Variants in SLC8A1 observed in about 807,000 individuals in gnomAD.
SLC8A1 encodes sodium/calcium exchanger 1.
Under a neutral mutation model 68.3 loss-of-function variants are expected in SLC8A1, and 18 were observed. That is an observed-to-expected ratio of 0.26 (90% CI 0.18 to 0.39). The LOEUF (loss-of-function observed/expected upper bound fraction) is 0.39, where lower values mean the gene tolerates loss of function less well. SLC8A1 is among the 10% of genes least tolerant of loss of function. SLC8A1 has a pLI of 1.00. For missense variants in SLC8A1, 985 were observed against 1,156.7 expected (o/e 0.85, Z 2.15); for synonymous variants, 475 against 415.5 (o/e 1.14, Z -1.74).
intron 2 of SLC8A1, among the ~76,000 whole-genome samples, chr2:40,405,157 C>T: frequency 6.6e-6 from 1 of 152,158 alleles, no homozygotes; most frequent in African/African-American, 2.4e-5. Context: ...GAACATACTT[C>T]TTAATTCCCA....
intron 2 of SLC8A1, among the ~76,000 whole-genome samples, chr2:40,326,966 G>A (rs2075895329): frequency 6.6e-6 from 1 of 152,142 alleles, no homozygotes; most frequent in Non-Finnish European, 1.5e-5. Flanking sequence ...CAAGCTCACT[G>A]TACAATATTA....
chr2:40,347,132 C>T (rs1389632397), intron 2 of SLC8A1, among the ~76,000 whole-genome samples: 1 of 152,140 alleles, frequency 6.6e-6, no homozygotes, highest in Non-Finnish European at 1.5e-5. Context: ...TTGCTACATA[C>T]TGGCTATTTG....
chr2:40,431,795 T>C (rs954971048), intron 1 of SLC8A1, among the ~76,000 whole-genome samples: 2 of 152,106 alleles, frequency 1.3e-5, no homozygotes, highest in African/African-American at 2.4e-5. Flanking sequence ...ACTCTCTGGC[T>C]CATGTTTGCT....
intron 2 of SLC8A1, among the ~76,000 whole-genome samples, chr2:40,275,367 G>C (rs947894347): frequency 6.6e-6 from 1 of 152,214 alleles, no homozygotes; most frequent in African/African-American, 2.4e-5. Flanking sequence ...GATCCAAAGA[G>C]TTAGCTGTTA....
intron 2 of SLC8A1, among the ~76,000 whole-genome samples, chr2:40,386,550 A>G (rs1683604115): frequency 1.5e-5 from 1 of 68,534 alleles, no homozygotes; most frequent in South Asian, 4.5e-4. Context: ...GAGATAATGA[A>G]TAATGGGACT....
Position 40,485,577 on chromosome 2 carries a change from T to G in SLC8A1, c.-25+26772A>C, listed in dbSNP as rs920295495. 2.0e-5 allele frequency among the ~76,000 whole-genome samples: 3 copies of G among 152,342 alleles called. No individual in the cohort carries two copies. The East Asian group carries it at 5.8e-4, about 29-fold the overall frequency. On this transcript the variant is annotated intron_variant, in intron 1 of 7. Transcript: ENST00000402441. Reference sequence around the variant, plus strand: ...TCACTCTGGTTATTTCCCTCTTTTCTGTAATTCATCTTTATTTCAACAATC... The same window carrying G: ...TCACTCTGGTTATTTCCCTCTTTTCGGTAATTCATCTTTATTTCAACAATC...
intron 2 of SLC8A1, among the ~76,000 whole-genome samples, chr2:40,333,042 T>C (rs2076579368): frequency 6.6e-6 from 1 of 152,258 alleles, no homozygotes; most frequent in Non-Finnish European, 1.5e-5. Context: ...TTCTGAATTA[T>C]GTTAGAATTT....
chr2:40,325,741 G>A (rs1009762712), intron 2 of SLC8A1, among the ~76,000 whole-genome samples: 9 of 134,984 alleles, frequency 6.7e-5, no homozygotes, highest in African/African-American at 2.4e-4. Context: ...AGACCATGCC[G>A]GCTAACATGG....
intron 2 of SLC8A1, among the ~76,000 whole-genome samples, chr2:40,198,463 T>A (rs1305362477): frequency 2.6e-5 from 4 of 151,988 alleles, no homozygotes; most frequent in Non-Finnish European, 4.4e-5. Context: ...ATTTAATTAA[T>A]TCATATCACT....
chr2:40,149,768 T>G (rs573659447), intron 6 of SLC8A1, among the ~76,000 whole-genome samples: 1 of 152,204 alleles, frequency 6.6e-6, no homozygotes, highest in African/African-American at 2.4e-5. Context: ...TATTCACCAA[T>G]TGGGAGACCA....
intron 1 of SLC8A1, among the ~76,000 whole-genome samples, chr2:40,472,029 A>G (rs369391694): frequency 6.6e-6 from 1 of 152,156 alleles, no homozygotes; most frequent in South Asian, 2.1e-4. Context: ...CTATGAACAA[A>G]CATGACCTAT....
intron 2 of SLC8A1, among the ~76,000 whole-genome samples, chr2:40,187,566 C>A (rs1472772069): frequency 6.6e-6 from 1 of 152,160 alleles, no homozygotes; most frequent in Non-Finnish European, 1.5e-5. Context: ...TTTCCTCTGC[C>A]AACTATGGAA....
At chr2:40,379,894 C>T (rs1024150024) in intron 2 of SLC8A1, among the ~76,000 whole-genome samples, 1 of 152,072 alleles carries the variant, frequency 6.6e-6, no homozygotes, top group Non-Finnish European at 1.5e-5. Context: ...AACTTAATGG[C>T]TCACTCAAAT....
upstream of SLC8A1, among the ~76,000 whole-genome samples, chr2:40,454,480 CT>C (rs543088073): frequency 0.12 from 13,939 of 119,456 alleles, 536 homozygotes; most frequent in East Asian, 0.3. Context: ...TGTCTTAAGA[CT>C]TTTTTTTTTT....
At chr2:40,401,457 A>T (rs1266520194) in intron 2 of SLC8A1, among the ~76,000 whole-genome samples, 1 of 151,322 alleles carries the variant, frequency 6.6e-6, no homozygotes, top group Non-Finnish European at 1.5e-5. Context: ...TGTATTACAG[A>T]TATTTACAAA....
chr2:40,346,070 A>AAAAG (rs1207154538), intron 2 of SLC8A1, among the ~76,000 whole-genome samples: 44 of 149,816 alleles, frequency 2.9e-4, no homozygotes, highest in African/African-American at 6.4e-4. Flanking sequence ...AAAAAAAAAA[A>AAAAG]AAAGAAAGAA....
Position 40,134,815 on chromosome 2 carries a change from T to C in SLC8A1, c.2437+4586A>G, listed in dbSNP as rs139050012. The stretch of plus-strand genomic sequence containing the variant: ...ACAATTGCATTACTTCTGTGTTAGC[T>C]AGGCACCATTCTAGGCACTAGATTA... On this transcript the variant is annotated intron_variant, in intron 7 of 7. Transcript: ENST00000406785. Among the ~76,000 whole-genome samples the C allele has an allele frequency of 1.3e-4, 20 of 152,308 alleles. 1 individual carries two copies. In the East Asian group the frequency reaches 3.7e-3, roughly 28 times the overall value.
chr2:40,268,176 G>T (rs1292411589), intron 2 of SLC8A1, among the ~76,000 whole-genome samples: 1 of 152,106 alleles, frequency 6.6e-6, no homozygotes, highest in Non-Finnish European at 1.5e-5. Context: ...TCCATTGTGT[G>T]TGTGTTTGTG....
At chr2:40,367,503 T>C (rs1676629725) in intron 2 of SLC8A1, among the ~76,000 whole-genome samples, 2 of 152,072 alleles carry the variant, frequency 1.3e-5, no homozygotes, top group Non-Finnish European at 2.9e-5. Context: ...GGTAAACTGT[T>C]TCTTCCAATA....
Sources: gnomAD v4.1 joint callset for allele counts (sites outside exome capture counted in the v4.1 genomes callset) on GRCh38, gnomAD v4.1.1 for gene constraint, MANE v1.5 for transcripts, NCBI Gene and HGNC (gene_info 2026-07-23, HGNC 2026-07-21) for gene names.